Variants in TERT observed in about 807,000 individuals in gnomAD.
TERT encodes telomerase reverse transcriptase, also known as telomerase catalytic subunit.
In TERT, 42 loss-of-function variants were observed where a neutral mutation model predicts 104.0. That is an observed-to-expected ratio of 0.40 (90% CI 0.32 to 0.52). TERT has a LOEUF of 0.52. Ranked by LOEUF, TERT falls within the 20% of genes least tolerant of loss-of-function variation. The probability of loss-of-function intolerance (pLI) is 0.43; values close to 1 mark genes in which losing one functional copy is unlikely to be tolerated. For missense variants in TERT, 1,101 were observed against 1,610.3 expected (o/e 0.68, Z 5.41); for synonymous variants, 781 against 725.6 (o/e 1.08, Z -1.23).
rs1187843426 is a variant in TERT, at chr5:1,293,653, C to T, written c.1233G>A (p.Thr411=). 1.9e-6 allele frequency: 3 copies of T among 1,561,606 alleles called. No individual in the cohort carries two copies. Among genetic ancestry groups the T allele is most frequent in the Admixed American group, 1.9e-5 (1 of 51,704 alleles). The change falls in exon 2 of 16, where the codon ACG becomes ACA. Residue 411 remains threonine, a synonymous_variant. Coordinates refer to ENST00000310581, the MANE Select transcript of TERT (RefSeq NM_198253.3). Reference sequence around the variant, plus strand: ...TGACCGCAGCTCGCAGCGGGCAGTGCGTCTTGAGGAGCACCCCGTAGGGGC... The same window carrying T: ...TGACCGCAGCTCGCAGCGGGCAGTGTGTCTTGAGGAGCACCCCGTAGGGGC... The part of the protein sequence containing the change: ...AQCPYGVLLK[T]HCPLRAAVTP...
chr5:1,276,488 A>G (rs1360586862), intron 6 of TERT, among the ~76,000 whole-genome samples: 3 of 143,716 alleles, frequency 2.1e-5, no homozygotes, highest in African/African-American at 2.6e-5. Context: ...AATCCCACAG[A>G]TCCCCACCTA....
chr5:1,271,526 T>A (rs1749034168), intron 7 of TERT, among the ~76,000 whole-genome samples: 1 of 151,978 alleles, frequency 6.6e-6, no homozygotes. Context: ...AGGGTCTGGG[T>A]CCCAGCAGCC....
Position 1,294,468 on chromosome 5 carries a change from G to A in TERT, c.418C>T (p.Leu140=). 1 of 1,591,466 alleles carries A rather than the reference G, an allele frequency of 6.3e-7. No homozygotes were observed. Among genetic ancestry groups the A allele is most frequent in the Non-Finnish European group, 8.5e-7 (1 of 1,176,810 alleles). The change falls in exon 2 of 16, where the codon CTG becomes TTG. Residue 140 remains leucine (L), a synonymous_variant. Coordinates refer to ENST00000310581, the MANE Select transcript of TERT (RefSeq NM_198253.3). ...ALRGSGAWGL[L]LRRVGDDVLV... is the part of the protein sequence containing the mutation. ...ACGTCGTCGCCCACGCGGCGCAGCA[G>A]CAGCCCCCACGCCCCGCTCCCCCGC... is the stretch of plus-strand genomic sequence containing the variant.
rs1750487771 is a variant in TERT, at chr5:1,286,373, G to C, written c.1574-3749C>G. ...GACAGAAGACAGACGGGGAACAAAG[G>C]AGGAAAAGCAGGGCGGGGGCAAAGC... On this transcript the variant is annotated intron_variant, in intron 2 of 15. Transcript: ENST00000310581. The surrounding 1 kb of genome is among the most constrained non-coding windows in gnomAD (Gnocchi z 5.3). Among the ~76,000 whole-genome samples the C allele has an allele frequency of 6.6e-6, 1 of 152,196 alleles. No homozygotes were observed. The highest frequency in any genetic ancestry group is 2.1e-4 in the South Asian group (1 of 4,834).
rs34528119 is a variant in TERT, at chr5:1,264,472, G to T, written c.2775C>A (p.His925Gln). The T allele has an allele frequency of 1.2e-6, 2 of 1,613,740 alleles. No individual in the cohort carries two copies. The highest frequency in any genetic ancestry group is 1.7e-6 in the Non-Finnish European group (2 of 1,180,040). Residue 925 changes from histidine (H) to glutamine (Q), a missense_variant, in exon 11 of 16, where the codon CAC becomes CAA. Physicochemically the swap from His to Gln is conservative, Grantham distance 24. Transcript: ENST00000310581. ...GGTAFVQMPA[H>Q]GLFPWCGLLL... ...GCAGGCCGCACCAGGGGAATAGGCC[G>T]TGGGCCGGCATCTGAACAAAAGCCG...
At position 1,272,060 on chromosome 5, in the gene TERT, T is replaced by A. The variant is rs1288923604; in HGVS notation, c.2382+125A>T. On this transcript the variant is annotated intron_variant, in intron 7 of 15. Transcript: ENST00000310581. ...AGGCACACAGCTCATCATGCCCCCATCACAGCTCATTCCCCCCACTGCCCC... is the reference window on the plus strand; with the variant it reads ...AGGCACACAGCTCATCATGCCCCCAACACAGCTCATTCCCCCCACTGCCCC... 5 of 852,634 alleles carry A rather than the reference T, an allele frequency of 5.9e-6. No individual in the cohort carries two copies. The Admixed American group carries it at 1.0e-4, about 17-fold the overall frequency. 52.8% of individuals were successfully genotyped at this position (852,634 alleles called of 1,614,324 possible).
rs867077903 is a variant in TERT, at chr5:1,277,999, G to A, written c.2286+642C>T. ...GGCCGCTCTGGGAGGAGTGTGTCCC[G>A]GGGAGCGAGGCCTGAATCAGCCTTC... On this transcript the variant is annotated intron_variant, in intron 6 of 15. Coordinates refer to ENST00000310581, the MANE Select transcript of TERT (RefSeq NM_198253.3). Among the ~76,000 whole-genome samples the A allele has an allele frequency of 7.9e-5, 12 of 151,296 alleles. No individual in the cohort carries two copies. The South Asian group carries it at 1.0e-3, about 13-fold the overall frequency.
At position 1,257,125 on chromosome 5, in the gene TERT, C is replaced by A. The variant is rs183538825; in HGVS notation, c.3032+1473G>T. Among the ~76,000 whole-genome samples the A allele has an allele frequency of 7.9e-5, 12 of 152,264 alleles. No homozygotes were observed. The highest frequency in any genetic ancestry group is 2.6e-4 in the African/African-American group (11 of 41,560). On this transcript the variant is annotated intron_variant, in intron 13 of 15. Transcript: ENST00000310581. The surrounding 1 kb of genome is among the most constrained non-coding windows in gnomAD (Gnocchi z 5.6). ...GCATCTCGGCCTCCTCAGGGCTACC[C>A]AATCAAGCGACTACCCAAGGGTCCC...
rs907560900 is a variant in TERT at position 1,253,406 on chromosome 5, G to A, written c.*322C>T. Reference sequence around the variant, plus strand: ...GGTGAACAATGGCGAATCTGGGGATGGACTATTCCTATGTGGGGAGTGGAA... The same window carrying A: ...GGTGAACAATGGCGAATCTGGGGATAGACTATTCCTATGTGGGGAGTGGAA... On this transcript the variant is annotated 3_prime_UTR_variant, in exon 16 of 16. Transcript: ENST00000310581. The A allele has an allele frequency of 2.0e-6, 1 of 503,766 alleles. No homozygotes were observed. Among genetic ancestry groups the A allele is most frequent in the Non-Finnish European group, 3.6e-6 (1 of 275,718 alleles). The allele number at this position is 503,766 out of a possible 1,614,324, so 31.2% of individuals were successfully genotyped here. A position where few individuals can be genotyped will look rare whatever the true frequency, so the allele number is the denominator to read the frequency against.
At chr5:1,266,705 T>C (rs1264078085) in intron 9 of TERT, among the ~76,000 whole-genome samples, 170 bp from the exon 10 acceptor site, 2 of 152,220 alleles carry the variant, frequency 1.3e-5, no homozygotes, top group African/African-American at 4.8e-5. Context: ...CTCTCTACAG[T>C]TAACTGCTAC....
In TERT at chr5:1,279,276, G is replaced by A. The variant is rs774111486; in HGVS notation, c.2130+15C>T. On this transcript the variant is annotated intron_variant, in intron 5 of 15. Coordinates refer to ENST00000310581, the MANE Select transcript of TERT (RefSeq NM_198253.3). ...AGGTCCAGCAGGGCTGCTCACGGGG[G>A]TCCCCGGCACCCACCTTGACAAAGT... 8 of 1,564,588 alleles carry A rather than the reference G, an allele frequency of 5.1e-6. No individual in the cohort carries two copies. Among genetic ancestry groups the A allele is most frequent in the Middle Eastern group, 2.3e-4 (1 of 4,402 alleles).
Position 1,280,314 on chromosome 5 carries a change from C to A in TERT, c.1794G>T (p.Leu598=), listed in dbSNP as rs752358619. ...TGACCTCTGCTTCCGACAGCTCCCGCAGCTGCACCCTCTTCAAGTGCTGTC... is the reference window on the plus strand; with the variant it reads ...TGACCTCTGCTTCCGACAGCTCCCGAAGCTGCACCCTCTTCAAGTGCTGTC... ...GIRQHLKRVQ[L]RELSEAEVRQ... The change falls in exon 4 of 16, where the codon CTG becomes CTT. Residue 598 remains leucine, a synonymous_variant. Coordinates refer to ENST00000310581, the MANE Select transcript of TERT (RefSeq NM_198253.3). 6.2e-7 allele frequency: 1 copy of A among 1,613,472 alleles called. No homozygotes were observed. The highest frequency in any genetic ancestry group is 1.7e-5 in the Admixed American group (1 of 60,022).
intron 6 of TERT, among the ~76,000 whole-genome samples, chr5:1,277,396 A>C (rs1334657439): frequency 6.6e-6 from 1 of 152,210 alleles, no homozygotes; most frequent in Non-Finnish European, 1.5e-5. Flanking sequence ...CAGCAGCGGG[A>C]AGGATACATC....
In TERT at chr5:1,278,706, C is replaced by A. The variant is rs150819225; in HGVS notation, c.2221G>T (p.Val741Leu). ...SIIKPQNTYC[V>L]RRYAVVQKAA... is the part of the protein sequence containing the mutation. ...TTCTGGACCACGGCATACCGACGCA[C>A]GCAGTACGTGTTCTGGGGTTTGATG... The change falls in exon 6 of 16, where the codon GTG becomes TTG. Residue 741 changes from valine to leucine, a missense_variant. Around this residue, in one of 5 missense-constraint regions of TERT, gnomAD observed 463 missense variants for 797.5 expected, o/e 0.58. Coordinates refer to ENST00000310581, the MANE Select transcript of TERT (RefSeq NM_198253.3). The A allele has an allele frequency of 1.1e-5, 17 of 1,614,066 alleles. No individual in the cohort carries two copies. The highest frequency in any genetic ancestry group is 6.7e-5 in the Admixed American group (4 of 60,014).
chr5:1,278,916 A>C (rs1421487538), intron 5 of TERT, 120 bp from the exon 6 acceptor site: 11 of 1,389,650 alleles, frequency 7.9e-6, no homozygotes, highest in Non-Finnish European at 1.1e-5. Context: ...ACCACTCCAG[A>C]CCCCAAGGGC....
At chr5:1,258,367 G>C (rs1747901243) in intron 13 of TERT, among the ~76,000 whole-genome samples, 1 of 152,284 alleles carries the variant, frequency 6.6e-6, no homozygotes, top group South Asian at 2.1e-4. Flanking sequence ...CACAGGCACA[G>C]TGGGGACACC....
chr5:1,272,391 G>C (rs1400985867), intron 6 of TERT, 111 bp from the exon 7 acceptor site: 2 of 1,006,638 alleles, frequency 2.0e-6, no homozygotes, highest in Non-Finnish European at 3.1e-6. Flanking sequence ...CCCGATGGCG[G>C]GATGAAGCCC....
chr5:1,261,948 C>T lies in TERT; in HGVS notation c.2844-1348G>A, dbSNP rs1443022694. Among the ~76,000 whole-genome samples, 2 of 152,172 alleles carry T rather than the reference C, an allele frequency of 1.3e-5. No homozygotes were observed. Among genetic ancestry groups the T allele is most frequent in the East Asian group, 3.9e-4 (2 of 5,186 alleles). ...AAGTGAGAGGATGAATGTGCAGGAC[C>T]TCACAGGGCGCCTTAAATAAATCAC... On this transcript the variant is annotated intron_variant, in intron 11 of 15. Transcript: ENST00000310581. This position sits in a 1 kb window ranked among gnomAD's most constrained non-coding sequence, Gnocchi z 7.4.
intron 2 of TERT, among the ~76,000 whole-genome samples, chr5:1,290,134 C>T (rs879752029): frequency 4.5e-5 from 2 of 44,358 alleles, no homozygotes; most frequent in Non-Finnish European, 7.8e-5. Context: ...ACCCGGGGGC[C>T]GCGCCTCACT....
Sources: gnomAD v4.1 joint callset for allele counts (sites outside exome capture counted in the v4.1 genomes callset) on GRCh38, gnomAD v4.1.1 for gene constraint, gnomAD v4.1.1 regional missense constraint, Gnocchi (gnomAD v3.1) non-coding constraint, MANE v1.5 for transcripts, NCBI Gene and HGNC (gene_info 2026-07-23, HGNC 2026-07-21) for gene names.